Variants in ATG4C observed in about 807,000 individuals in gnomAD.
The protein encoded by ATG4C is autophagy related 4C cysteine peptidase.
Under a neutral mutation model 57.6 loss-of-function variants are expected in ATG4C, and 56 were observed. That is an observed-to-expected ratio of 0.97 (90% confidence interval 0.78 to 1.21). The LOEUF is 1.21. Among genes scored for constraint, ATG4C ranks in the 50% most tolerant of loss-of-function variants. The pLI is 0.00. For synonymous variants in ATG4C, 157 were observed against 174.1 expected, an observed-to-expected ratio of 0.90 and a Z score of 0.78; for missense variants, 595 against 529.8, an observed-to-expected ratio of 1.12 and a Z score of -1.21.
chr1:62,801,207 G>C (rs1486902229), intron 1 of ATG4C, among the ~76,000 whole-genome samples: 1 of 152,190 alleles, frequency 6.6e-6, no homozygotes, highest in Non-Finnish European at 1.5e-5. Context: ...ACTATGCCAA[G>C]TGCTAGGGGT....
intron 1 of ATG4C, among the ~76,000 whole-genome samples, chr1:62,794,054 GTTC>G (rs139293832): frequency 0.032 from 4,841 of 152,240 alleles, 261 homozygotes; most frequent in African/African-American, 0.11. Flanking sequence ...TAAATATTAT[GTTC>G]TTCTTAGAGA....
chr1:62,855,251 C>T (rs1337417250), intron 10 of ATG4C, among the ~76,000 whole-genome samples: 2 of 152,178 alleles, frequency 1.3e-5, no homozygotes, highest in Non-Finnish European at 2.9e-5. Context: ...TATCCCAACA[C>T]ATCTCCTTCC....
chr1:62,809,974 T>C (rs1390270260), intron 3 of ATG4C, among the ~76,000 whole-genome samples: 3 of 152,108 alleles, frequency 2.0e-5, no homozygotes, highest in Non-Finnish European at 4.4e-5. Context: ...GGAGGGTAAA[T>C]TGGTCTAACC....
chr1:62,792,938 G>C (rs1664328833), intron 1 of ATG4C, among the ~76,000 whole-genome samples: 1 of 151,236 alleles, frequency 6.6e-6, no homozygotes, highest in Admixed American at 6.6e-5. Flanking sequence ...CCAGGCTGGA[G>C]TGCAGTGGCG....
intron 5 of ATG4C, among the ~76,000 whole-genome samples, chr1:62,819,650 G>A (rs915605177): frequency 3.3e-5 from 5 of 151,834 alleles, no homozygotes; most frequent in African/African-American, 1.2e-4. Context: ...ACCTTGGAAC[G>A]TGCATAACAT....
chr1:62,785,360 A>G (rs1305646446), intron 1 of ATG4C: 1 of 152,232 alleles, frequency 6.6e-6, no homozygotes, highest in Non-Finnish European at 1.5e-5. Flanking sequence ...ATATTGAATT[A>G]CCAGTTCATT....
At chr1:62,790,450 C>T (rs777062936) in intron 1 of ATG4C, among the ~76,000 whole-genome samples, 1 of 152,160 alleles carries the variant, frequency 6.6e-6, no homozygotes, top group Non-Finnish European at 1.5e-5. Flanking sequence ...ACAGATTTAC[C>T]AAGTAAAGAT....
At chr1:62,787,266 T>C (rs144060087) in intron 1 of ATG4C, among the ~76,000 whole-genome samples, 47 of 152,316 alleles carry the variant, frequency 3.1e-4, no homozygotes, top group African/African-American at 1.1e-3. Flanking sequence ...TCATTTTTTC[T>C]TGATTGAGCA....
At chr1:62,794,927 T>A in intron 1 of ATG4C, among the ~76,000 whole-genome samples, 1 of 152,200 alleles carries the variant, frequency 6.6e-6, no homozygotes, top group East Asian at 1.9e-4. Context: ...TATTTCTTAC[T>A]AAAAATGCAA....
At chr1:62,800,118 C>T (rs1248291144) in intron 1 of ATG4C, among the ~76,000 whole-genome samples, 1 of 152,098 alleles carries the variant, frequency 6.6e-6, no homozygotes, top group Non-Finnish European at 1.5e-5. Context: ...TTCACACTTG[C>T]TGAGGACTGT....
chr1:62,838,766 G>C (rs557257945), intron 9 of ATG4C, among the ~76,000 whole-genome samples: 1 of 149,640 alleles, frequency 6.7e-6, no homozygotes, highest in East Asian at 2.0e-4. Flanking sequence ...GGCGACAAGA[G>C]TGAAACTTCA....
rs186315011 is a variant in ATG4C at position 62,794,690 on chromosome 1, T to C, written c.-68-9029T>C. Among the ~76,000 whole-genome samples the C allele has an allele frequency of 2.8e-3, 424 of 152,334 alleles. 5 individuals carry two copies. The highest frequency in any genetic ancestry group is 9.8e-3 in the African/African-American group (408 of 41,584). ...TATTACTATTGCTCTCCCCTTCATATTTGCCACTTTTTAAAAAGATAAGGA... is the reference window on the plus strand; with the variant it reads ...TATTACTATTGCTCTCCCCTTCATACTTGCCACTTTTTAAAAAGATAAGGA... On this transcript the variant is annotated intron_variant, in intron 1 of 10. Transcript: ENST00000317868.
intron 3 of ATG4C, among the ~76,000 whole-genome samples, chr1:62,806,481 T>G (rs1298118299): frequency 1.3e-5 from 2 of 152,080 alleles, no homozygotes; most frequent in African/African-American, 4.8e-5. Flanking sequence ...TTTCAAAAAT[T>G]AAAAACTTAT....
chr1:62,814,428 C>A (rs1665195101), intron 3 of ATG4C, among the ~76,000 whole-genome samples: 1 of 152,090 alleles, frequency 6.6e-6, no homozygotes, highest in Non-Finnish European at 1.5e-5. Flanking sequence ...GGGAACATCA[C>A]ACACCAGGGC....
chr1:62,839,902 T>A (rs931233147), intron 9 of ATG4C, among the ~76,000 whole-genome samples: 1 of 148,926 alleles, frequency 6.7e-6, no homozygotes, highest in Non-Finnish European at 1.5e-5. Context: ...GTTGAACTTT[T>A]CATTGGAAAA....
At chr1:62,809,605 T>G (rs1409457849) in intron 3 of ATG4C, among the ~76,000 whole-genome samples, 1 of 146,986 alleles carries the variant, frequency 6.8e-6, no homozygotes, top group Non-Finnish European at 1.5e-5. Flanking sequence ...ATTTATATAA[T>G]TATATATTTT....
At chr1:62,832,871 G>A (rs1289772671) in intron 7 of ATG4C, among the ~76,000 whole-genome samples, 1 of 152,108 alleles carries the variant, frequency 6.6e-6, no homozygotes, top group African/African-American at 2.4e-5. Context: ...TTATTGATAG[G>A]AAAAGATATT....
chr1:62,808,510 T>C (rs1382338539), intron 3 of ATG4C, among the ~76,000 whole-genome samples: 1 of 152,040 alleles, frequency 6.6e-6, no homozygotes, highest in South Asian at 2.1e-4. Context: ...ATGGAAAGTA[T>C]AGGTGGAAAA....
chr1:62,796,205 G>T (rs61765899), intron 1 of ATG4C, among the ~76,000 whole-genome samples: 4 of 131,340 alleles, frequency 3.0e-5, no homozygotes, highest in Middle Eastern at 4.2e-3. Flanking sequence ...TCATTTGTGT[G>T]GGTTTTTTTT....
Sources: allele counts gnomAD v4.1 joint callset (sites outside exome capture counted in the v4.1 genomes callset), GRCh38; gene constraint gnomAD v4.1.1; transcripts MANE v1.5; gene names NCBI Gene and HGNC (gene_info 2026-07-23, HGNC 2026-07-21).